The following CAPN8 variants were observed in gnomAD, a reference collection of about 807,000 sequenced individuals.
The protein encoded by CAPN8 is calpain 8.
In CAPN8, 87 loss-of-function variants were observed where a neutral mutation model predicts 80.9. The ratio of observed to expected loss-of-function variants is 1.07; its 90% CI spans 0.90 to 1.28. CAPN8 has a LOEUF of 1.28. CAPN8 is among the 50% of genes most tolerant of loss of function. The pLI is 0.00. For missense variants in CAPN8, 757 were observed against 702.0 expected, an observed-to-expected ratio of 1.08 and a Z score of -0.89; for synonymous variants, 299 against 273.8, an observed-to-expected ratio of 1.09 and a Z score of -0.91.
In CAPN8 at chr1:223,632,595, C is replaced by G. The variant is rs568975276; in HGVS notation, c.308-3815G>C. Among the ~76,000 whole-genome samples, 12 of 152,268 alleles carry G rather than the reference C, an allele frequency of 7.9e-5. No individual in the cohort carries two copies. In the South Asian group the frequency reaches 2.5e-3, roughly 32 times the overall value. ...ATGTTGCCCATGCTGATCCTGAACT[C>G]CTGGCCTCAAGCAATCCTCCCACCT... On this transcript the variant is annotated intron_variant, in intron 2 of 20. Transcript: ENST00000366872.
chr1:223,625,278 T>C (rs1295016179), intron 6 of CAPN8, among the ~76,000 whole-genome samples: 1 of 152,132 alleles, frequency 6.6e-6, no homozygotes, highest in Non-Finnish European at 1.5e-5. Flanking sequence ...CACACAAACA[T>C]ATTTTTTGGA....
chr1:223,628,907 C>T, intron 2 of CAPN8, 127 bp from the exon 3 acceptor site: 1 of 690,996 alleles, frequency 1.4e-6, no homozygotes, highest in South Asian at 1.9e-5. Context: ...GGTAGAGTTT[C>T]CTCCTCCGGT....
At chr1:223,654,047 G>A (rs534833682) in intron 2 of CAPN8, among the ~76,000 whole-genome samples, 1 of 152,074 alleles carries the variant, frequency 6.6e-6, no homozygotes, top group African/African-American at 2.4e-5. Flanking sequence ...TCTACTCTAC[G>A]CCTGTAATCC....
At chr1:223,656,988 A>G (rs992703825) in intron 1 of CAPN8, among the ~76,000 whole-genome samples, 5 of 152,104 alleles carry the variant, frequency 3.3e-5, no homozygotes, top group Non-Finnish European at 7.4e-5. Flanking sequence ...CCAGCCACAT[A>G]CACACATTTT....
At chr1:223,628,171 A>T in intron 3 of CAPN8, 29 bp from the exon 4 acceptor site, 1 of 1,524,926 alleles carries the variant, frequency 6.6e-7, no homozygotes, top group Non-Finnish European at 8.8e-7. Flanking sequence ...GCGGCTGCTC[A>T]CATGAATAAG....
At chr1:223,660,790 G>T (rs1452223007) in intron 1 of CAPN8, among the ~76,000 whole-genome samples, 1 of 152,144 alleles carries the variant, frequency 6.6e-6, no homozygotes, top group Non-Finnish European at 1.5e-5. Flanking sequence ...TTAGGCAGTG[G>T]ACTTAAAGCC....
At chr1:223,551,944 T>C (rs1016713432) in intron 14 of CAPN8, among the ~76,000 whole-genome samples, 3 of 152,144 alleles carry the variant, frequency 2.0e-5, no homozygotes, top group African/African-American at 7.2e-5. Context: ...ATTGAGAGAA[T>C]AGCATATTCT....
intron 6 of CAPN8, among the ~76,000 whole-genome samples, chr1:223,624,126 G>T (rs890143032): frequency 6.6e-6 from 1 of 152,152 alleles, no homozygotes; most frequent in African/African-American, 2.4e-5. Context: ...CACCTAGGCA[G>T]GAGTGAAGTG....
At chr1:223,629,231 T>TA (rs71166276) in intron 2 of CAPN8, among the ~76,000 whole-genome samples, 24 of 149,366 alleles carry the variant, frequency 1.6e-4, no homozygotes, top group East Asian at 9.9e-4. Flanking sequence ...TGTGTGTGTG[T>TA]TTATGTTCCT....
chr1:223,646,327 C>T (rs1658191217), intron 2 of CAPN8, among the ~76,000 whole-genome samples: 1 of 152,242 alleles, frequency 6.6e-6, no homozygotes, highest in African/African-American at 2.4e-5. Context: ...GATCATCCTG[C>T]TCTATTCCTT....
At chr1:223,633,024 G>T (rs1451516545) in intron 2 of CAPN8, among the ~76,000 whole-genome samples, 2 of 152,208 alleles carry the variant, frequency 1.3e-5, no homozygotes, top group Non-Finnish European at 2.9e-5. Context: ...ATGAAGGTCA[G>T]CATAGGAGAG....
At chr1:223,639,194 A>C (rs540572663) in intron 2 of CAPN8, among the ~76,000 whole-genome samples, 1 of 152,288 alleles carries the variant, frequency 6.6e-6, no homozygotes, top group East Asian at 1.9e-4. Flanking sequence ...GAGCCGAGAT[A>C]GTGCCCCTGC....
intron 9 of CAPN8, 85 bp from the exon 10 acceptor site, chr1:223,616,230 C>T: frequency 7.1e-7 from 1 of 1,402,202 alleles, no homozygotes; most frequent in Non-Finnish European, 9.6e-7. Context: ...GAAACTTGAT[C>T]ATCCTAATGA....
At chr1:223,543,278 C>T (rs867911583) in intron 19 of CAPN8, 112 bp from the exon 20 acceptor site, 2 of 1,246,064 alleles carry the variant, frequency 1.6e-6, no homozygotes, top group Admixed American at 4.5e-5. Context: ...CTCCTTTCCC[C>T]TACCACCCCC....
intron 1 of CAPN8, among the ~76,000 whole-genome samples, chr1:223,663,937 C>T (rs1658718370): frequency 6.6e-6 from 1 of 152,206 alleles, no homozygotes; most frequent in South Asian, 2.1e-4. Flanking sequence ...GGAACCCTGA[C>T]TTAATTTCCC....
chr1:223,633,036 G>T (rs1657817144), intron 2 of CAPN8, among the ~76,000 whole-genome samples: 1 of 152,192 alleles, frequency 6.6e-6, no homozygotes. Flanking sequence ...ATAGGAGAGT[G>T]CAGAGCAGAG....
chr1:223,648,753 C>T (rs533900371), intron 2 of CAPN8, among the ~76,000 whole-genome samples: 1 of 151,984 alleles, frequency 6.6e-6, no homozygotes, highest in African/African-American at 2.4e-5. Flanking sequence ...ATAAATGCAA[C>T]AAAAATGAAA....
intron 2 of CAPN8, among the ~76,000 whole-genome samples, chr1:223,645,900 C>T (rs1308626839): frequency 1.3e-5 from 2 of 152,162 alleles, no homozygotes; most frequent in Non-Finnish European, 2.9e-5. Context: ...AGAGGGTAAA[C>T]CAAAGTGCTC....
At chr1:223,628,453 G>A (rs1332956333) in intron 3 of CAPN8, among the ~76,000 whole-genome samples, 2 of 152,232 alleles carry the variant, frequency 1.3e-5, no homozygotes, top group Admixed American at 1.3e-4. Context: ...GTGGCCTAGG[G>A]GAGCTGGGAA....
Sources: gnomAD v4.1 joint callset for allele counts (sites outside exome capture counted in the v4.1 genomes callset) on GRCh38, gnomAD v4.1.1 for gene constraint, MANE v1.5 for transcripts, NCBI Gene and HGNC (gene_info 2026-07-23, HGNC 2026-07-21) for gene names.